The following AP3B2 variants were observed in gnomAD, a reference collection of about 807,000 sequenced individuals.
The protein encoded by AP3B2 is adaptor related protein complex 3 subunit beta 2.
A neutral mutation model predicts 126.9 loss-of-function variants in AP3B2; 50 were observed. That is an observed-to-expected ratio of 0.39 (90% CI 0.31 to 0.50). AP3B2 has a LOEUF of 0.50. Ranked by LOEUF, AP3B2 falls within the 20% of genes least tolerant of loss-of-function variation. The pLI is 0.79. For missense variants in AP3B2, 1,177 were observed against 1,426.4 expected, an observed-to-expected ratio of 0.83 and a Z score of 2.82; for synonymous variants, 541 against 565.0, an observed-to-expected ratio of 0.96 and a Z score of 0.60.
chr15:82,676,363 G>A (rs1596178031), intron 14 of AP3B2, 98 bp downstream of exon 14: 2 of 1,271,954 alleles, frequency 1.6e-6, no homozygotes, highest in East Asian at 4.7e-5. Flanking sequence ...TCCAAAATAG[G>A]AGCTAGAGTT....
chr15:82,684,183 A>G (rs1256898542), intron 4 of AP3B2, among the ~76,000 whole-genome samples: 3 of 152,212 alleles, frequency 2.0e-5, no homozygotes, highest in Non-Finnish European at 2.9e-5. Context: ...TCTAGGTAGG[A>G]AAGTGCTAGA....
chr15:82,709,736 G>T lies in AP3B2; in HGVS notation c.-30C>A. 1 of 1,443,328 alleles carries T rather than the reference G, an allele frequency of 6.9e-7. No homozygotes were observed. Among genetic ancestry groups the T allele is most frequent in the South Asian group, 1.3e-5 (1 of 76,106 alleles). 89.4% of individuals were successfully genotyped at this position (1,443,328 alleles called of 1,614,324 possible). A position where few individuals can be genotyped will look rare whatever the true frequency, so the allele number is the denominator to read the frequency against. ...CGGCCAGGGAGACTTCGCCGAGGAG[G>T]AGGTTGCGGGGCCGGAGGCCGGCTG... is the stretch of plus-strand genomic sequence containing the variant. On this transcript the variant is annotated 5_prime_UTR_variant, in exon 1 of 27. Transcript: ENST00000535359.
intron 14 of AP3B2, among the ~76,000 whole-genome samples, chr15:82,673,785 TAAAA>T (rs559504244): frequency 2.6e-3 from 398 of 152,278 alleles, no homozygotes; most frequent in African/African-American, 9.1e-3. Context: ...TTTAGCATAT[TAAAA>T]AAAGTTTACG....
At position 82,664,381 on chromosome 15, in the gene AP3B2, C is replaced by T; in HGVS notation, c.2247G>A (p.Gly749=). The T allele has an allele frequency of 6.2e-7, 1 of 1,613,976 alleles. No homozygotes were observed. Among genetic ancestry groups the T allele is most frequent in the Non-Finnish European group, 8.5e-7 (1 of 1,179,874 alleles). ...NEDQDEDEEK[G]RGSESEQSEE... is the part of the protein sequence containing the mutation. ...TCCCTTCTCACCTCTCACTGCCTCTCCCTTTCTCCTCATCCTCATCCTGGT... is the reference window on the plus strand; with the variant it reads ...TCCCTTCTCACCTCTCACTGCCTCTTCCTTTCTCCTCATCCTCATCCTGGT... Residue 749 remains glycine (G), a synonymous_variant, in exon 19 of 27, where the codon GGG becomes GGA. Transcript: ENST00000535359. The surrounding 1 kb of genome is among the most constrained non-coding windows in gnomAD (Gnocchi z 4.5).
intron 1 of AP3B2, chr15:82,691,602 T>TA: frequency 2.0e-5 from 16 of 819,136 alleles, no homozygotes; most frequent in East Asian, 7.1e-5. Context: ...TTTTTCTTCT[T>TA]TAAAAAAAAA....
chr15:82,659,673 G>A lies in AP3B2; in HGVS notation c.3193C>T (p.Leu1065=), dbSNP rs376892730. The change falls in exon 27 of 27, where the codon CTG becomes TTG. Residue 1065 remains leucine (L), a synonymous_variant. Transcript: ENST00000535359. ...GRTLTGGSLV[L]LTLDARPAGA... is the part of the protein sequence containing the mutation. The stretch of plus-strand genomic sequence containing the variant: ...GCTGGCCGGGCATCCAGGGTCAGCA[G>A]AACGAGGCTTCCACCAGTCAGTGTC... 10 of 1,613,836 alleles carry A rather than the reference G, an allele frequency of 6.2e-6. No homozygotes were observed. Among genetic ancestry groups the A allele is most frequent in the Non-Finnish European group, 8.5e-6 (10 of 1,179,882 alleles).
At chr15:82,692,240 C>T in intron 1 of AP3B2, 1 of 1,010,924 alleles carries the variant, frequency 9.9e-7, no homozygotes. Context: ...CAAGGCAGTG[C>T]CCATTCTTAA....
At chr15:82,687,168 G>C (rs531114557) in intron 4 of AP3B2, 91 of 152,298 alleles carry the variant, frequency 6.0e-4, no homozygotes, top group African/African-American at 2.1e-3. Context: ...TGACCTGTTA[G>C]ACATGTTCTA....
intron 1 of AP3B2, chr15:82,691,942 C>T (rs1269955463): frequency 7.3e-6 from 10 of 1,371,898 alleles, no homozygotes; most frequent in Non-Finnish European, 1.0e-5. Context: ...GATACTCAAC[C>T]ATCCCCACAC....
intron 1 of AP3B2, among the ~76,000 whole-genome samples, chr15:82,701,103 T>G (rs563560272): frequency 1.3e-5 from 2 of 152,144 alleles, no homozygotes; most frequent in African/African-American, 4.8e-5. Context: ...TCAAGTGACC[T>G]GCCCGCCTCA....
chr15:82,670,112 T>TTGGGGGG lies in AP3B2; in HGVS notation c.1666-3180_1666-3179insCCCCCCA, dbSNP rs1555465704. ...AAAAAATCAGTGGCTTTTTTTTTTT[T>TTGGGGGG]GGCGGGGGGGGACGAAGATGAAGTC... On this transcript the variant is annotated intron_variant, in intron 14 of 26. Coordinates refer to ENST00000535359, the MANE Select transcript of AP3B2 (RefSeq NM_001278512.2). Among the ~76,000 whole-genome samples the TTGGGGGG allele has an allele frequency of 5.8e-5, 4 of 68,926 alleles. 1 individual carries two copies. Among genetic ancestry groups the TTGGGGGG allele is most frequent in the African/African-American group, 2.6e-4 (4 of 15,676 alleles). 45.2% of individuals were successfully genotyped at this position (68,926 alleles called of 152,430 possible).
chr15:82,670,796 A>G (rs764789406), intron 14 of AP3B2, among the ~76,000 whole-genome samples: 4 of 152,182 alleles, frequency 2.6e-5, no homozygotes, highest in African/African-American at 4.8e-5. Flanking sequence ...CAAACTACCC[A>G]TCTGACAAGG....
Position 82,666,836 on chromosome 15 carries a change from G to A in AP3B2, c.1763C>T (p.Pro588Leu), listed in dbSNP as rs1832568335. ...GCTGAGGGCCCCACCCTGCTCGGAA[G>A]GGACGATGAGCTGCCGGGTGAAGCG... Reference protein sequence around the residue: ...RARFTRQLIVPSEQGGALSRH... With the variant: ...RARFTRQLIVLSEQGGALSRH... Residue 588 changes from proline to leucine, a missense_variant, in exon 15 of 27, where the codon CCT (proline) becomes CTT (leucine). Physicochemically the swap from Pro to Leu is moderately conservative, Grantham distance 98. Around this residue, in one of 5 missense-constraint regions of AP3B2, gnomAD observed 308 missense variants for 452.4 expected, o/e 0.68. Transcript: ENST00000535359. 6.2e-7 allele frequency: 1 copy of A among 1,613,912 alleles called. No individual in the cohort carries two copies. The highest frequency in any genetic ancestry group is 8.5e-7 in the Non-Finnish European group (1 of 1,179,906).
chr15:82,699,036 A>G (rs2048674813), intron 1 of AP3B2, among the ~76,000 whole-genome samples: 1 of 152,202 alleles, frequency 6.6e-6, no homozygotes, highest in Admixed American at 6.5e-5. Flanking sequence ...AGGCAGAGGC[A>G]GGGACTAAGG....
chr15:82,663,527 C>T (rs2047994557), intron 21 of AP3B2, 33 bp downstream of exon 21: 1 of 1,609,902 alleles, frequency 6.2e-7, no homozygotes, highest in Non-Finnish European at 8.5e-7. Context: ...CCCAGGCCTC[C>T]TTTCCCCTGT....
At position 82,700,397 on chromosome 15, in the gene AP3B2, C is replaced by CTTTTTTTTTTTTT. The variant is rs1226910164; in HGVS notation, c.113+9184_113+9196dup. On this transcript the variant is annotated intron_variant, in intron 1 of 26. Transcript: ENST00000535359. ...CCACTGGCCTGCCAGTGGTGGGTGGCTTTTTTTTTTTTTTTTTTCAGATGG... is the reference window on the plus strand; with the variant it reads ...CCACTGGCCTGCCAGTGGTGGGTGGCTTTTTTTTTTTTTTTTTTTTTTTTTTTTTTTCAGATGG... 6.8e-3 allele frequency among the ~76,000 whole-genome samples: 237 copies of CTTTTTTTTTTTTT among 35,094 alleles called. 89 individuals carry two copies. Among genetic ancestry groups the CTTTTTTTTTTTTT allele is most frequent in the East Asian group, 0.021 (18 of 854 alleles). 23.0% of individuals were successfully genotyped at this position (35,094 alleles called of 152,430 possible). A position where few individuals can be genotyped will look rare whatever the true frequency, so the allele number is the denominator to read the frequency against.
chr15:82,695,665 T>A (rs1223900414), intron 1 of AP3B2, among the ~76,000 whole-genome samples: 1 of 152,160 alleles, frequency 6.6e-6, no homozygotes, highest in African/African-American at 2.4e-5. Flanking sequence ...CTCTACCCTT[T>A]ATAATAAATG....
intron 14 of AP3B2, among the ~76,000 whole-genome samples, chr15:82,673,341 A>G (rs1368665053): frequency 6.6e-6 from 1 of 152,120 alleles, no homozygotes; most frequent in Non-Finnish European, 1.5e-5. Context: ...CAGCCTCCCA[A>G]GTAGCTGAGA....
intron 11 of AP3B2, 64 bp from the exon 12 acceptor site, chr15:82,677,867 G>T: frequency 6.6e-7 from 1 of 1,518,964 alleles, no homozygotes. Flanking sequence ...CTTCAAGAAG[G>T]CTGTGGCCTT....
Sources: gnomAD v4.1 joint callset for allele counts (sites outside exome capture counted in the v4.1 genomes callset) on GRCh38, gnomAD v4.1.1 for gene constraint, gnomAD v4.1.1 regional missense constraint, Gnocchi (gnomAD v3.1) non-coding constraint, MANE v1.5 for transcripts, NCBI Gene and HGNC (gene_info 2026-07-23, HGNC 2026-07-21) for gene names.